The following SUPT3H variants were observed in gnomAD, a reference collection of about 807,000 sequenced individuals.
SUPT3H encodes the protein transcription initiation protein SPT3 homolog.
In SUPT3H, 44 loss-of-function variants were observed where a neutral mutation model predicts 44.3. The ratio of observed to expected loss-of-function variants is 0.99; its 90% confidence interval spans 0.78 to 1.28. The LOEUF (loss-of-function observed/expected upper bound fraction) is 1.28, where lower values mean the gene tolerates loss of function less well. Among genes scored for constraint, SUPT3H ranks in the 50% most tolerant of loss-of-function variants. The pLI is 0.00. For missense variants in SUPT3H, 380 were observed against 387.1 expected, an observed-to-expected ratio of 0.98 and a Z score of 0.15; for synonymous variants, 124 against 125.6, an observed-to-expected ratio of 0.99 and a Z score of 0.09.
intron 9 of SUPT3H, among the ~76,000 whole-genome samples, chr6:44,941,212 G>C (rs1772367950): frequency 6.6e-6 from 1 of 152,030 alleles, no homozygotes; most frequent in Admixed American, 6.6e-5. Context: ...TTCTTTGTGT[G>C]ATATTTTATA....
chr6:45,239,908 T>C (rs1769968889), intron 2 of SUPT3H, among the ~76,000 whole-genome samples: 1 of 152,212 alleles, frequency 6.6e-6, no homozygotes, highest in East Asian at 1.9e-4. Flanking sequence ...CAACTTAATC[T>C]AGCATTATTG....
chr6:45,166,797 G>A (rs549841567), intron 2 of SUPT3H, among the ~76,000 whole-genome samples: 1 of 152,274 alleles, frequency 6.6e-6, no homozygotes, highest in African/African-American at 2.4e-5. Flanking sequence ...TTAGTCATTA[G>A]GGAATGCAAA....
At chr6:45,058,843 A>T (rs1791534015) in intron 3 of SUPT3H, among the ~76,000 whole-genome samples, 1 of 152,006 alleles carries the variant, frequency 6.6e-6, no homozygotes, top group Admixed American at 6.6e-5. Context: ...TTCCCTCTCC[A>T]CTTACCCATC....
rs571991217 is a variant in SUPT3H, at chr6:45,082,249, C to A, written c.186+23673G>T. Among the ~76,000 whole-genome samples, 238 of 151,952 alleles carry A rather than the reference C, an allele frequency of 1.6e-3. 3 individuals are homozygous for A. The Middle Eastern group carries it at 0.02, about 13-fold the overall frequency. On this transcript the variant is annotated intron_variant, in intron 3 of 10. Coordinates refer to ENST00000371459, the MANE Select transcript of SUPT3H (RefSeq NM_003599.4). The stretch of plus-strand genomic sequence containing the variant: ...GATATCAATTCTACTGAAACTATTC[C>A]AAAAAAATGAGGAAGAGGGACTCCT...
intron 11 of SUPT3H, among the ~76,000 whole-genome samples, chr6:44,817,741 A>G (rs1487040774): frequency 1.3e-5 from 2 of 152,164 alleles, no homozygotes; most frequent in Non-Finnish European, 2.9e-5. Flanking sequence ...TTCTTATAAC[A>G]TCAGCCATGA....
chr6:45,325,643 C>CAAAAAT (rs79140654), intron 2 of SUPT3H, among the ~76,000 whole-genome samples: 3 of 151,298 alleles, frequency 2.0e-5, no homozygotes, highest in African/African-American at 7.3e-5. Context: ...CTTTAAAAAG[C>CAAAAAT]AAAAATAAAA....
chr6:45,365,267 G>A lies in SUPT3H; in HGVS notation c.35C>T (p.Ala12Val). The A allele has an allele frequency of 6.2e-7, 1 of 1,612,030 alleles. No homozygotes were observed. The highest frequency in any genetic ancestry group is 8.5e-7 in the Non-Finnish European group (1 of 1,178,972). ...TGTACTCCTTCCACTACTTGAAGTT[G>A]CAGTAGACATTGGACTAGCTGCCGT... ...NNTAASPMST[A>V]TSSSGRSTGK... is the part of the protein sequence containing the mutation. The change falls in exon 2 of 11, where the codon GCA becomes GTA. Residue 12 changes from alanine (A) to valine (V), a missense_variant. By Grantham distance (64) the Ala-to-Val change is moderately conservative (BLOSUM62 0). Coordinates refer to ENST00000371459, the MANE Select transcript of SUPT3H (RefSeq NM_003599.4).
In SUPT3H at chr6:44,992,821, G is replaced by C. The variant is rs13212709; in HGVS notation, c.504+10832C>G. ...AATCCTGCTATAAAATTTCTCTACA[G>C]CAAAGCAACAACTGTAAGAGATTAT... On this transcript the variant is annotated intron_variant, in intron 6 of 10. Coordinates refer to ENST00000371459, the MANE Select transcript of SUPT3H (RefSeq NM_003599.4). 4.6e-3 allele frequency among the ~76,000 whole-genome samples: 706 copies of C among 152,122 alleles called. 5 individuals are homozygous for C. Among genetic ancestry groups the C allele is most frequent in the Non-Finnish European group, 7.6e-3 (520 of 67,980 alleles).
At chr6:44,882,473 A>C (rs62438011) in intron 10 of SUPT3H, among the ~76,000 whole-genome samples, 52,039 of 152,068 alleles carry the variant, frequency 0.34, 9,682 homozygotes, top group Admixed American at 0.42. Flanking sequence ...GGAATTGGTA[A>C]CATTCCTTCT....
intron 11 of SUPT3H, among the ~76,000 whole-genome samples, chr6:44,814,972 C>T (rs906154828): frequency 2.6e-5 from 4 of 151,928 alleles, no homozygotes; most frequent in African/African-American, 7.3e-5. Context: ...CCACCACGCC[C>T]GGCCTCAAAT....
intron 2 of SUPT3H, among the ~76,000 whole-genome samples, chr6:45,185,395 C>T (rs1029213112): frequency 1.1e-4 from 17 of 152,144 alleles, no homozygotes; most frequent in African/African-American, 3.9e-4. Flanking sequence ...TCCATACCTA[C>T]CCAGAAGCAA....
chr6:45,043,753 T>C (rs751933150), intron 3 of SUPT3H, among the ~76,000 whole-genome samples: 9 of 152,170 alleles, frequency 5.9e-5, no homozygotes, highest in African/African-American at 1.7e-4. Flanking sequence ...ATTATAGCTA[T>C]GCACCATTAC....
intron 10 of SUPT3H, among the ~76,000 whole-genome samples, chr6:44,836,040 T>TA (rs1201669822): frequency 2.0e-5 from 3 of 152,186 alleles, no homozygotes; most frequent in Non-Finnish European, 2.9e-5. Flanking sequence ...TGCAATCGCT[T>TA]TTTAAAAGAT....
chr6:44,964,588 T>C (rs915951675), intron 6 of SUPT3H, among the ~76,000 whole-genome samples: 2 of 152,180 alleles, frequency 1.3e-5, no homozygotes, highest in African/African-American at 4.8e-5. Context: ...TGTGAAAGAC[T>C]AAATTATGGC....
At chr6:44,932,618 T>C in intron 10 of SUPT3H, 35 bp downstream of exon 10, 1 of 1,448,462 alleles carries the variant, frequency 6.9e-7, no homozygotes, top group Non-Finnish European at 9.4e-7. Flanking sequence ...TTTCATATTA[T>C]AAATATAACT....
intron 2 of SUPT3H, among the ~76,000 whole-genome samples, chr6:45,325,999 G>A (rs1268907042): frequency 6.6e-6 from 1 of 151,784 alleles, no homozygotes; most frequent in Non-Finnish European, 1.5e-5. Context: ...GACAAAAAGT[G>A]CATATATAAC....
intron 2 of SUPT3H, among the ~76,000 whole-genome samples, chr6:45,229,135 T>A (rs1323029289): frequency 6.6e-6 from 1 of 152,178 alleles, no homozygotes; most frequent in African/African-American, 2.4e-5. Context: ...TTTATAAAAA[T>A]CATGAGTTTG....
intron 3 of SUPT3H, among the ~76,000 whole-genome samples, chr6:45,040,162 A>G (rs1276210209): frequency 6.6e-6 from 1 of 152,198 alleles, no homozygotes; most frequent in African/African-American, 2.4e-5. Flanking sequence ...AGGTTGTGGC[A>G]TGAAATCAAC....
At chr6:45,222,378 G>A (rs1201073381) in intron 2 of SUPT3H, among the ~76,000 whole-genome samples, 2 of 152,090 alleles carry the variant, frequency 1.3e-5, no homozygotes, top group African/African-American at 4.8e-5. Context: ...GAAAATGACA[G>A]AAGGCAGGAA....
Sources: allele counts gnomAD v4.1 joint callset (sites outside exome capture counted in the v4.1 genomes callset), GRCh38; gene constraint gnomAD v4.1.1; transcripts MANE v1.5; gene names NCBI Gene and HGNC (gene_info 2026-07-23, HGNC 2026-07-21).